The following MOB3B variants were observed in gnomAD, a reference collection of about 807,000 sequenced individuals.
MOB3B encodes the protein MOB kinase activator 3B.
MOB3B carries 7 observed loss-of-function variants against 18.7 expected under a neutral mutation model. The observed-to-expected ratio is 0.37, with a 90% confidence interval of 0.21 to 0.70. The LOEUF is 0.70. MOB3B is among the 30% of genes least tolerant of loss of function. The pLI, the probability that MOB3B is intolerant of heterozygous loss-of-function variation, is 0.52. For missense variants in MOB3B, 253 were observed against 281.3 expected (o/e 0.90, Z 0.72); for synonymous variants, 111 against 99.9 (o/e 1.11, Z -0.66).
intron 2 of MOB3B, among the ~76,000 whole-genome samples, chr9:27,413,775 T>C (rs1000981949): frequency 9.2e-5 from 14 of 152,220 alleles, no homozygotes; most frequent in African/African-American, 3.4e-4. Flanking sequence ...AGGATTTTTC[T>C]AAGTTTCTGA....
chr9:27,387,866 C>T (rs1035177322), intron 2 of MOB3B, among the ~76,000 whole-genome samples: 20 of 152,078 alleles, frequency 1.3e-4, no homozygotes, highest in African/African-American at 3.1e-4. Flanking sequence ...GAGTTTGTCT[C>T]GCAGCAAGGG....
At chr9:27,501,785 G>A (rs1348205256) in intron 1 of MOB3B, among the ~76,000 whole-genome samples, 3 of 149,290 alleles carry the variant, frequency 2.0e-5, no homozygotes, top group African/African-American at 7.4e-5. Context: ...AAAAAAAAGT[G>A]CTATTTGTGA....
intron 2 of MOB3B, among the ~76,000 whole-genome samples, chr9:27,429,326 A>G (rs1822384979): frequency 6.6e-6 from 1 of 152,224 alleles, no homozygotes. Context: ...GAAAAGTGTG[A>G]TATTTGGAAA....
intron 1 of MOB3B, among the ~76,000 whole-genome samples, chr9:27,507,479 T>C (rs941747300): frequency 5.9e-5 from 9 of 152,222 alleles, no homozygotes; most frequent in African/African-American, 2.2e-4. Context: ...TCAACTGGTC[T>C]AGAACAAGTC....
chr9:27,401,421 C>G (rs1821876903), intron 2 of MOB3B, among the ~76,000 whole-genome samples: 1 of 152,206 alleles, frequency 6.6e-6, no homozygotes, highest in African/African-American at 2.4e-5. Context: ...TGTCTCAAGT[C>G]AGTGTCCACC....
At chr9:27,417,256 C>T (rs186877994) in intron 2 of MOB3B, among the ~76,000 whole-genome samples, 1,573 of 152,102 alleles carry the variant, frequency 0.01, 25 homozygotes, top group African/African-American at 0.032. Flanking sequence ...CCCAGCAACT[C>T]GGGAGGCTGA....
At chr9:27,356,778 C>A (rs1017695802) in intron 3 of MOB3B, among the ~76,000 whole-genome samples, 3 of 151,958 alleles carry the variant, frequency 2.0e-5, no homozygotes, top group Non-Finnish European at 4.4e-5. Flanking sequence ...TCTTCATTTA[C>A]GTGGCCCTTG....
intron 2 of MOB3B, among the ~76,000 whole-genome samples, chr9:27,440,375 C>A (rs1184640138): frequency 4.0e-5 from 6 of 149,050 alleles, no homozygotes; most frequent in Non-Finnish European, 8.9e-5. Context: ...CTAAATGATT[C>A]CTTCTTTTTT....
At chr9:27,416,666 G>C (rs990627897) in intron 2 of MOB3B, among the ~76,000 whole-genome samples, 6 of 148,772 alleles carry the variant, frequency 4.0e-5, no homozygotes, top group African/African-American at 1.5e-4. Flanking sequence ...AAGTAGCTAG[G>C]ACTACAGGCA....
chr9:27,395,322 A>C (rs182204654), intron 2 of MOB3B, among the ~76,000 whole-genome samples: 202 of 152,366 alleles, frequency 1.3e-3, no homozygotes, highest in African/African-American at 4.6e-3. Flanking sequence ...ACCACAAAAA[A>C]TGATATGAGT....
At chr9:27,446,001 G>T (rs1012990194) in intron 2 of MOB3B, among the ~76,000 whole-genome samples, 6 of 152,064 alleles carry the variant, frequency 3.9e-5, no homozygotes, top group Non-Finnish European at 7.4e-5. Context: ...TTTGAATAAT[G>T]GTTATTTCTT....
intron 2 of MOB3B, among the ~76,000 whole-genome samples, chr9:27,410,348 G>T (rs907699270): frequency 6.6e-6 from 1 of 152,156 alleles, no homozygotes; most frequent in Non-Finnish European, 1.5e-5. Context: ...TAGTACAAGT[G>T]TAATGAATTC....
intron 1 of MOB3B, among the ~76,000 whole-genome samples, chr9:27,461,534 A>G (rs1156572070): frequency 6.6e-6 from 1 of 152,242 alleles, no homozygotes; most frequent in Non-Finnish European, 1.5e-5. Flanking sequence ...AAAGATATGC[A>G]TGGTTTCAGA....
At chr9:27,476,507 G>A (rs950440699) in intron 1 of MOB3B, among the ~76,000 whole-genome samples, 1 of 152,066 alleles carries the variant, frequency 6.6e-6, no homozygotes, top group Non-Finnish European at 1.5e-5. Context: ...TTAGATTAGA[G>A]GCCCACCCGA....
chr9:27,418,165 C>T (rs1267384599), intron 2 of MOB3B, among the ~76,000 whole-genome samples: 1 of 148,160 alleles, frequency 6.7e-6, no homozygotes, highest in Non-Finnish European at 1.5e-5. Flanking sequence ...CCTCAATAGA[C>T]CAAAAACAAG....
At chr9:27,493,038 T>A (rs77436566) in intron 1 of MOB3B, among the ~76,000 whole-genome samples, 1,735 of 152,286 alleles carry the variant, frequency 0.011, 37 homozygotes, top group African/African-American at 0.039. Context: ...AATAGACACA[T>A]AATAAAGGAA....
At position 27,328,355 on chromosome 9, in the gene MOB3B, C is replaced by T. The variant is rs1172987965; in HGVS notation, c.*2232G>A. ...CTGCAGAGATTTTCTTCAGAATGTG[C>T]CAAAGTTCTGTGGGAACAGGAATAT... On this transcript the variant is annotated 3_prime_UTR_variant, in exon 4 of 4. Coordinates refer to ENST00000262244, the MANE Select transcript of MOB3B (RefSeq NM_024761.5). 2.0e-5 allele frequency: 3 copies of T among 150,330 alleles called. No individual in the cohort carries two copies. Among genetic ancestry groups the T allele is most frequent in the Non-Finnish European group, 4.4e-5 (3 of 67,768 alleles). The allele number at this position is 150,330 out of a possible 1,614,324, so 9.3% of individuals were successfully genotyped here. A position where few individuals can be genotyped will look rare whatever the true frequency, so the allele number is the denominator to read the frequency against.
intron 3 of MOB3B, among the ~76,000 whole-genome samples, chr9:27,334,107 A>G (rs10757651): frequency 0.41 from 62,190 of 152,054 alleles, 13,665 homozygotes; most frequent in Middle Eastern, 0.56. Context: ...CCTGAATCTG[A>G]GAAGAACATT....
intron 2 of MOB3B, among the ~76,000 whole-genome samples, chr9:27,450,153 G>T (rs1822762381): frequency 1.3e-5 from 2 of 152,124 alleles, no homozygotes; most frequent in Admixed American, 1.3e-4. Flanking sequence ...TCATCGGAAA[G>T]GTTACCAAAG....
Sources: allele counts gnomAD v4.1 joint callset (sites outside exome capture counted in the v4.1 genomes callset), GRCh38; gene constraint gnomAD v4.1.1; transcripts MANE v1.5; gene names NCBI Gene and HGNC (gene_info 2026-07-23, HGNC 2026-07-21).